The following ASXL2 variants were observed in gnomAD, a reference collection of about 807,000 sequenced individuals.
ASXL2 encodes the protein ASXL transcriptional regulator 2, also known as putative Polycomb group protein ASXL2.
In ASXL2, 23 loss-of-function variants were observed where a neutral mutation model predicts 122.0. The observed-to-expected ratio is 0.19, with a 90% CI of 0.14 to 0.27. The LOEUF (loss-of-function observed/expected upper bound fraction) is 0.27, where lower values mean the gene tolerates loss of function less well. ASXL2 is among the 10% of genes least tolerant of loss of function. The pLI is 1.00. For missense variants in ASXL2, 1,518 were observed against 1,713.8 expected, an observed-to-expected ratio of 0.89 and a Z score of 2.02; for synonymous variants, 650 against 637.0, an observed-to-expected ratio of 1.02 and a Z score of -0.31.
At chr2:25,756,649 C>G (rs904253257) in intron 9 of ASXL2, among the ~76,000 whole-genome samples, 3 of 152,218 alleles carry the variant, frequency 2.0e-5, no homozygotes, top group African/African-American at 7.2e-5. Context: ...CCTGGCTCTA[C>G]AGCAGAAATT....
chr2:25,821,035 C>T (rs1478102046), intron 3 of ASXL2, among the ~76,000 whole-genome samples: 7 of 151,850 alleles, frequency 4.6e-5, no homozygotes, highest in South Asian at 2.1e-4. Context: ...CAAAATTAGC[C>T]GGGCATGGAG....
intron 3 of ASXL2, among the ~76,000 whole-genome samples, chr2:25,811,833 C>T (rs1291390860): frequency 6.6e-6 from 1 of 152,204 alleles, no homozygotes; most frequent in East Asian, 1.9e-4. Flanking sequence ...CTTACTGTAA[C>T]CTCTGCCTCT....
intron 5 of ASXL2, among the ~76,000 whole-genome samples, chr2:25,790,070 A>G (rs1324461877): frequency 6.6e-6 from 1 of 152,052 alleles, no homozygotes; most frequent in African/African-American, 2.4e-5. Context: ...AAAATTTGGC[A>G]CCCTCTCCCC....
chr2:25,798,590 C>G (rs2088946358), intron 5 of ASXL2, among the ~76,000 whole-genome samples: 1 of 152,118 alleles, frequency 6.6e-6, no homozygotes, highest in Non-Finnish European at 1.5e-5. Context: ...ATGGTGAAAC[C>G]CCATCTCTAC....
At chr2:25,753,405 A>G (rs1014222647) in intron 11 of ASXL2, 129 bp downstream of exon 11, 9 of 624,436 alleles carry the variant, frequency 1.4e-5, no homozygotes, top group Non-Finnish European at 2.3e-5. Context: ...GAGACAAAAA[A>G]AAAAACAAAA....
intron 5 of ASXL2, 79 bp downstream of exon 5, chr2:25,799,306 T>A: frequency 6.3e-7 from 1 of 1,593,466 alleles, no homozygotes; most frequent in South Asian, 1.1e-5. Flanking sequence ...TGACCTGGAG[T>A]CTGGGAAAAG....
chr2:25,875,462 G>A (rs1484580530), intron 1 of ASXL2, among the ~76,000 whole-genome samples: 1 of 151,946 alleles, frequency 6.6e-6, no homozygotes, highest in African/African-American at 2.4e-5. Context: ...GGAGAGCATA[G>A]CAAAACGATT....
chr2:25,800,843 G>C (rs953620149), intron 4 of ASXL2, among the ~76,000 whole-genome samples: 5 of 152,160 alleles, frequency 3.3e-5, no homozygotes, highest in African/African-American at 1.2e-4. Flanking sequence ...CCCAACATAA[G>C]AGGTCAAAAA....
At chr2:25,817,687 T>C (rs185428566) in intron 3 of ASXL2, among the ~76,000 whole-genome samples, 1 of 152,280 alleles carries the variant, frequency 6.6e-6, no homozygotes, top group Non-Finnish European at 1.5e-5. Context: ...TCACAGGGCA[T>C]GCTATTAAAA....
chr2:25,796,820 C>T (rs2088917798), intron 5 of ASXL2, among the ~76,000 whole-genome samples: 1 of 152,206 alleles, frequency 6.6e-6, no homozygotes, highest in Admixed American at 6.5e-5. Context: ...GTGGTAGCCA[C>T]TATCCTCATG....
In ASXL2 at chr2:25,734,140, T is replaced by C. The variant is rs1028487965; in HGVS notation, c.*7889A>G. On this transcript the variant is annotated 3_prime_UTR_variant, in exon 13 of 13. Coordinates refer to ENST00000435504, the MANE Select transcript of ASXL2 (RefSeq NM_018263.6). ...CAAATTTCTAGAGTTTCATTTGTTA[T>C]GTTCTCTAGATCTTTCATGGATTCT... 4 of 152,116 alleles carry C rather than the reference T, an allele frequency of 2.6e-5. No individual in the cohort carries two copies. Among genetic ancestry groups the C allele is most frequent in the African/African-American group, 9.7e-5 (4 of 41,422 alleles). 9.4% of individuals were successfully genotyped at this position (152,116 alleles called of 1,614,324 possible). A position where few individuals can be genotyped will look rare whatever the true frequency, so the allele number is the denominator to read the frequency against.
At chr2:25,841,071 G>A (rs2089573174) in intron 2 of ASXL2, among the ~76,000 whole-genome samples, 1 of 152,144 alleles carries the variant, frequency 6.6e-6, no homozygotes, top group Admixed American at 6.5e-5. Flanking sequence ...GCCAAGGCAG[G>A]AGGATCACCT....
intron 3 of ASXL2, among the ~76,000 whole-genome samples, chr2:25,821,165 G>A (rs1367438653): frequency 6.6e-6 from 1 of 152,048 alleles, no homozygotes; most frequent in Non-Finnish European, 1.5e-5. Flanking sequence ...GGCAACAAGA[G>A]CAAGACTCCG....
chr2:25,864,959 A>C (rs558405113), intron 1 of ASXL2, among the ~76,000 whole-genome samples: 1 of 151,698 alleles, frequency 6.6e-6, no homozygotes, highest in African/African-American at 2.4e-5. Flanking sequence ...AGCCTCCCGA[A>C]TACAGGCGCC....
rs1312749456 is a variant in ASXL2, at chr2:25,744,472, G to A, written c.1865C>T (p.Pro622Leu). Residue 622 changes from proline to leucine, a missense_variant, in exon 13 of 13, where the codon CCG becomes CTG. Physicochemically the swap from Pro to Leu is moderately conservative, Grantham distance 98 (BLOSUM62 -3). Around this residue, in one of 8 missense-constraint regions of ASXL2, gnomAD observed 292 missense variants for 293.5 expected, o/e 1.00. Coordinates refer to ENST00000435504, the MANE Select transcript of ASXL2 (RefSeq NM_018263.6). The surrounding 1 kb of genome is among the most constrained non-coding windows in gnomAD (Gnocchi z 4.7). Reference sequence around the variant, plus strand: ...CGGCATGGGGGAGATTCTGGAGACCGGGATCTGAAAGAAGTAGAGGGGAAA... The same window carrying A: ...CGGCATGGGGGAGATTCTGGAGACCAGGATCTGAAAGAAGTAGAGGGGAAA... Reference protein sequence around the residue: ...QVRKVPPLKIPVSRISPMPFH... With the variant: ...QVRKVPPLKILVSRISPMPFH... 5 of 1,590,094 alleles carry A rather than the reference G, an allele frequency of 3.1e-6. No individual in the cohort carries two copies. In the South Asian group the frequency reaches 3.4e-5, roughly 11 times the overall value.
chr2:25,833,020 A>AG (rs886651267), intron 3 of ASXL2, among the ~76,000 whole-genome samples: 1 of 152,168 alleles, frequency 6.6e-6, no homozygotes, highest in Non-Finnish European at 1.5e-5. Flanking sequence ...AGTATAAGGA[A>AG]GGGGGGCAAG....
intron 6 of ASXL2, 49 bp downstream of exon 6, chr2:25,771,391 T>C (rs1457251540): frequency 6.5e-7 from 1 of 1,537,844 alleles, no homozygotes; most frequent in South Asian, 1.2e-5. Flanking sequence ...AGGTGTGCGT[T>C]TTAAATACAG....
chr2:25,802,675 C>T (rs2089018114), intron 4 of ASXL2, among the ~76,000 whole-genome samples: 1 of 152,138 alleles, frequency 6.6e-6, no homozygotes, highest in Admixed American at 6.5e-5. Flanking sequence ...CCAGGGGAAC[C>T]AACTATGTGA....
intron 3 of ASXL2, among the ~76,000 whole-genome samples, chr2:25,818,330 G>A (rs370880773): frequency 3.3e-5 from 5 of 152,274 alleles, no homozygotes; most frequent in Middle Eastern, 3.4e-3. Context: ...CCAAAATGGC[G>A]AAACCCCGTC....
Sources: gnomAD v4.1 joint callset for allele counts (sites outside exome capture counted in the v4.1 genomes callset) on GRCh38, gnomAD v4.1.1 for gene constraint, gnomAD v4.1.1 regional missense constraint, Gnocchi (gnomAD v3.1) non-coding constraint, MANE v1.5 for transcripts, NCBI Gene and HGNC (gene_info 2026-07-23, HGNC 2026-07-21) for gene names.